The following ADAMTS12 variants were observed in gnomAD, a reference collection of about 807,000 sequenced individuals.
The protein encoded by ADAMTS12 is ADAM metallopeptidase with thrombospondin type 1 motif 12.
ADAMTS12 carries 118 observed loss-of-function variants against 167.8 expected under a neutral mutation model. The observed-to-expected ratio is 0.70, with a 90% CI of 0.61 to 0.82. The LOEUF is 0.82. Among genes scored for constraint, ADAMTS12 ranks in the 40% least tolerant of loss-of-function variants. ADAMTS12 has a pLI of 0.00. For synonymous variants in ADAMTS12, 704 were observed against 716.9 expected (o/e 0.98, Z 0.29); for missense variants, 1,916 against 1,998.8 (o/e 0.96, Z 0.79).
chr5:33,662,158 G>T, intron 5 of ADAMTS12, 118 bp from the exon 6 acceptor site: 1 of 1,335,704 alleles, frequency 7.5e-7, no homozygotes, highest in Admixed American at 2.0e-5. Context: ...GGGTGCATCA[G>T]ACATTTGGCA....
chr5:33,535,795 G>T (rs75774311), intron 22 of ADAMTS12, among the ~76,000 whole-genome samples: 3 of 152,240 alleles, frequency 2.0e-5, no homozygotes, highest in Middle Eastern at 3.4e-3. Context: ...AGAGATGAAC[G>T]TTGGGTAAAA....
At chr5:33,780,678 C>G (rs1216334985) in intron 2 of ADAMTS12, among the ~76,000 whole-genome samples, 1 of 152,186 alleles carries the variant, frequency 6.6e-6, no homozygotes, top group Non-Finnish European at 1.5e-5. Flanking sequence ...TGTCCCTTAT[C>G]AGGCTAATAT....
rs751713141 is a variant in ADAMTS12, at chr5:33,891,889, A to C, written c.-33T>G. On this transcript the variant is annotated 5_prime_UTR_variant, in exon 1 of 24. Transcript: ENST00000504830. ...ATGTTGAGGAGAAGAAAAGTCAAAA[A>C]AGTTTTAGCCCTCAGCTCCAGAAAT... The C allele has an allele frequency of 6.2e-7, 1 of 1,605,484 alleles. No individual in the cohort carries two copies. Among genetic ancestry groups the C allele is most frequent in the South Asian group, 1.1e-5 (1 of 89,664 alleles).
chr5:33,697,734 C>A (rs1742836302), intron 3 of ADAMTS12, among the ~76,000 whole-genome samples: 2 of 152,156 alleles, frequency 1.3e-5, no homozygotes, highest in Admixed American at 1.3e-4. Flanking sequence ...CTTTTACGTG[C>A]CCACCTTATC....
chr5:33,607,700 G>A (rs963196226), intron 16 of ADAMTS12, among the ~76,000 whole-genome samples: 2 of 151,702 alleles, frequency 1.3e-5, no homozygotes, highest in African/African-American at 4.8e-5. Flanking sequence ...GCAGTGTTTT[G>A]TGGTTCTCCT....
chr5:33,550,286 CAA>C (rs1745196006), intron 20 of ADAMTS12, among the ~76,000 whole-genome samples: 1 of 152,230 alleles, frequency 6.6e-6, no homozygotes, highest in Admixed American at 6.5e-5. Flanking sequence ...CCCTGACCTA[CAA>C]AGATTTTATC....
At chr5:33,561,896 G>A (rs1228393671) in intron 19 of ADAMTS12, among the ~76,000 whole-genome samples, 1 of 152,164 alleles carries the variant, frequency 6.6e-6, no homozygotes, top group Non-Finnish European at 1.5e-5. Context: ...TCTGCCCCTT[G>A]CCTCTCCTCC....
At chr5:33,669,546 A>G (rs1741595533) in intron 5 of ADAMTS12, among the ~76,000 whole-genome samples, 1 of 152,170 alleles carries the variant, frequency 6.6e-6, no homozygotes, top group South Asian at 2.1e-4. Flanking sequence ...ATACATCACT[A>G]TATTTGCACT....
At chr5:33,682,903 G>A (rs1022545222) in intron 5 of ADAMTS12, 115 bp downstream of exon 5, 4 of 755,514 alleles carry the variant, frequency 5.3e-6, no homozygotes, top group Non-Finnish European at 8.7e-6. Flanking sequence ...CCTTCTCGAT[G>A]GGCTTCCAAA....
chr5:33,823,454 C>T (rs932717812), intron 2 of ADAMTS12, among the ~76,000 whole-genome samples: 1 of 152,144 alleles, frequency 6.6e-6, no homozygotes, highest in Non-Finnish European at 1.5e-5. Flanking sequence ...AAACAACATC[C>T]TTCAACCACT....
At chr5:33,687,326 T>A (rs910687675) in intron 3 of ADAMTS12, among the ~76,000 whole-genome samples, 7 of 152,180 alleles carry the variant, frequency 4.6e-5, no homozygotes, top group Non-Finnish European at 1.0e-4. Context: ...CAAAAATCTA[T>A]GAGATAAGCC....
rs1202131 is a variant in ADAMTS12, at chr5:33,545,916, T to A, written c.4446+143A>T. On this transcript the variant is annotated intron_variant, in intron 22 of 23. Coordinates refer to ENST00000504830, the MANE Select transcript of ADAMTS12 (RefSeq NM_030955.4). The stretch of plus-strand genomic sequence containing the variant: ...TAGGAGAAATACCTAATGTAAATGA[T>A]GAGTTGATGGGTGCAGCAAACCAAC... 59 of 937,926 alleles carry A rather than the reference T, an allele frequency of 6.3e-5. No homozygotes were observed. In the South Asian group the frequency reaches 9.1e-4, roughly 14 times the overall value. The allele number at this position is 937,926 out of a possible 1,614,324, so 58.1% of individuals were successfully genotyped here.
At chr5:33,689,096 T>C (rs1290046019) in intron 3 of ADAMTS12, among the ~76,000 whole-genome samples, 1 of 152,170 alleles carries the variant, frequency 6.6e-6, no homozygotes, top group African/African-American at 2.4e-5. Flanking sequence ...CACAGCAACA[T>C]AGACACTAAC....
chr5:33,652,682 C>T (rs113080165), intron 7 of ADAMTS12, among the ~76,000 whole-genome samples: 5,464 of 152,144 alleles, frequency 0.036, 105 homozygotes, highest in African/African-American at 0.052. Flanking sequence ...CTTTTAAGGT[C>T]TTAGCCATAA....
At chr5:33,588,489 G>A in intron 18 of ADAMTS12, 110 bp downstream of exon 18, 5 of 1,294,356 alleles carry the variant, frequency 3.9e-6, no homozygotes, top group Non-Finnish European at 5.6e-6. Flanking sequence ...GATGAACACT[G>A]GCTATTTTGC....
chr5:33,872,974 C>G (rs1580009290), intron 2 of ADAMTS12, among the ~76,000 whole-genome samples: 1 of 152,142 alleles, frequency 6.6e-6, no homozygotes, highest in East Asian at 1.9e-4. Context: ...TCTCTTCATA[C>G]TTATGAGAAT....
intron 2 of ADAMTS12, among the ~76,000 whole-genome samples, chr5:33,824,940 T>C (rs1748002779): frequency 6.6e-6 from 1 of 151,866 alleles, no homozygotes; most frequent in Admixed American, 6.6e-5. Context: ...GATGAAGGAG[T>C]TTGGATTCCT....
intron 2 of ADAMTS12, among the ~76,000 whole-genome samples, chr5:33,828,671 T>C (rs1266504149): frequency 6.6e-6 from 1 of 152,200 alleles, no homozygotes; most frequent in African/African-American, 2.4e-5. Context: ...CCTCTAGTTT[T>C]ATTTTTCTCC....
At chr5:33,708,959 T>TA (rs1306459881) in intron 3 of ADAMTS12, among the ~76,000 whole-genome samples, 2 of 150,148 alleles carry the variant, frequency 1.3e-5, no homozygotes, top group Non-Finnish European at 3.0e-5. Context: ...AAATAAAAAA[T>TA]AAAAAAACAA....
Sources: allele counts gnomAD v4.1 joint callset (sites outside exome capture counted in the v4.1 genomes callset), GRCh38; gene constraint gnomAD v4.1.1; transcripts MANE v1.5; gene names NCBI Gene and HGNC (gene_info 2026-07-23, HGNC 2026-07-21).